ASAP1: variants seen among roughly 807,000 people sequenced by gnomAD.
The protein encoded by ASAP1 is arf-GAP with SH3 domain, ANK repeat and PH domain-containing protein 1.
Under a neutral mutation model 145.2 loss-of-function variants are expected in ASAP1, and 43 were observed. The ratio of observed to expected loss-of-function variants is 0.30; its 90% confidence interval spans 0.23 to 0.38. ASAP1 has a LOEUF of 0.38. Ranked by LOEUF, ASAP1 falls within the 10% of genes least tolerant of loss-of-function variation. The pLI is 1.00. For synonymous variants in ASAP1, 546 were observed against 515.5 expected, an observed-to-expected ratio of 1.06 and a Z score of -0.80; for missense variants, 1,018 against 1,355.3, an observed-to-expected ratio of 0.75 and a Z score of 3.91.
chr8:130,147,868 C>CT (rs1033738191), intron 13 of ASAP1, among the ~76,000 whole-genome samples: 2 of 152,142 alleles, frequency 1.3e-5, no homozygotes, highest in Non-Finnish European at 2.9e-5. Flanking sequence ...CCTTAATGAA[C>CT]TTCTGTGTGC....
intron 9 of ASAP1, among the ~76,000 whole-genome samples, chr8:130,173,382 C>G (rs994206197): frequency 6.6e-6 from 1 of 152,176 alleles, no homozygotes; most frequent in Non-Finnish European, 1.5e-5. Context: ...AGAGAGCCAC[C>G]ACGACCTGCC....
At chr8:130,097,453 A>G (rs2135464635) in intron 24 of ASAP1, among the ~76,000 whole-genome samples, 1 of 152,102 alleles carries the variant, frequency 6.6e-6, no homozygotes, top group African/African-American at 2.4e-5. Flanking sequence ...CACATCTCCA[A>G]CAGCCTCTTG....
chr8:130,300,153 C>CACACACACACACAGAGAG (rs1196584279), intron 3 of ASAP1, among the ~76,000 whole-genome samples: 2 of 76,892 alleles, frequency 2.6e-5, no homozygotes, highest in African/African-American at 5.4e-5. Flanking sequence ...CACACACACA[C>CACACACACACACAGAGAG]AGAGAGAGAG....
At chr8:130,431,626 A>G (rs747881592) in intron 1 of ASAP1, among the ~76,000 whole-genome samples, 6 of 152,076 alleles carry the variant, frequency 3.9e-5, no homozygotes, top group African/African-American at 7.2e-5. Flanking sequence ...TGCAAGGTGG[A>G]GTCAGGCACC....
chr8:130,072,553 G>C (rs1457071094), intron 27 of ASAP1, among the ~76,000 whole-genome samples: 1 of 55,950 alleles, frequency 1.8e-5, no homozygotes, highest in Non-Finnish European at 4.6e-5. Flanking sequence ...CCCAGTCTCA[G>C]GTATGTCTTT....
chr8:130,322,035 C>A (rs1824038580), intron 3 of ASAP1, among the ~76,000 whole-genome samples: 1 of 152,164 alleles, frequency 6.6e-6, no homozygotes, highest in Non-Finnish European at 1.5e-5. Flanking sequence ...GCTGGGAATG[C>A]AAATCATAAA....
intron 2 of ASAP1, among the ~76,000 whole-genome samples, chr8:130,362,937 T>C (rs1048739847): frequency 6.6e-6 from 1 of 152,220 alleles, no homozygotes; most frequent in Non-Finnish European, 1.5e-5. Flanking sequence ...TAGGGGATGA[T>C]AGCATGGGGC....
intron 3 of ASAP1, among the ~76,000 whole-genome samples, chr8:130,303,473 T>G (rs1822800955): frequency 6.6e-6 from 1 of 152,064 alleles, no homozygotes; most frequent in Non-Finnish European, 1.5e-5. Context: ...ACCACTTAGT[T>G]GGTGACCAAA....
chr8:130,163,473 C>T (rs1039483292), intron 11 of ASAP1, among the ~76,000 whole-genome samples: 7 of 152,138 alleles, frequency 4.6e-5, no homozygotes, highest in African/African-American at 1.7e-4. Context: ...CAGGGTTTGA[C>T]CTCATTAAAC....
intron 1 of ASAP1, among the ~76,000 whole-genome samples, chr8:130,408,500 C>G (rs79931018): frequency 0.017 from 2,598 of 152,224 alleles, 39 homozygotes; most frequent in East Asian, 0.05. Context: ...CATCAGTTCC[C>G]CTGGTTTTTA....
chr8:130,161,948 G>A (rs949334164), intron 11 of ASAP1, among the ~76,000 whole-genome samples: 1 of 152,212 alleles, frequency 6.6e-6, no homozygotes, highest in East Asian at 1.9e-4. Context: ...CTACAGGTGT[G>A]TGCTACCATG....
chr8:130,215,262 T>C (rs1215038538), intron 4 of ASAP1, among the ~76,000 whole-genome samples: 1 of 152,116 alleles, frequency 6.6e-6, no homozygotes, highest in Admixed American at 6.5e-5. Context: ...TAATTCCTCA[T>C]AGGCTGAGGG....
intron 24 of ASAP1, among the ~76,000 whole-genome samples, chr8:130,100,929 T>C (rs2097527729): frequency 6.6e-6 from 1 of 152,210 alleles, no homozygotes; most frequent in African/African-American, 2.4e-5. Context: ...CCTGAAGTGT[T>C]TCCCTTATGC....
chr8:130,142,869 C>T (rs575832071), intron 13 of ASAP1, among the ~76,000 whole-genome samples: 5 of 145,052 alleles, frequency 3.4e-5, no homozygotes, highest in Non-Finnish European at 6.0e-5. Context: ...CTCTATTTCA[C>T]GGTGGGGTGG....
At chr8:130,401,859 G>C in intron 2 of ASAP1, 26 bp downstream of exon 2, 1 of 1,607,758 alleles carries the variant, frequency 6.2e-7, no homozygotes, top group Non-Finnish European at 8.5e-7. Flanking sequence ...GAGTTTTCTG[G>C]ACAGGATGGG....
chr8:130,090,026 G>GT (rs988727846), intron 25 of ASAP1, among the ~76,000 whole-genome samples: 2 of 152,042 alleles, frequency 1.3e-5, no homozygotes, highest in Non-Finnish European at 2.9e-5. Context: ...TCTGGAAAAG[G>GT]TTATAAGGCT....
At chr8:130,409,045 T>C (rs1020493275) in intron 1 of ASAP1, among the ~76,000 whole-genome samples, 1 of 152,146 alleles carries the variant, frequency 6.6e-6, no homozygotes, top group African/African-American at 2.4e-5. Context: ...GTGGATTACC[T>C]GAGGTCAGGA....
At chr8:130,277,577 T>C (rs551129229) in intron 3 of ASAP1, among the ~76,000 whole-genome samples, 8 of 152,242 alleles carry the variant, frequency 5.3e-5, no homozygotes, top group Admixed American at 1.3e-4. Context: ...AGAGTTCTCA[T>C]GACAGAAACA....
chr8:130,374,605 T>A (rs4733793), intron 2 of ASAP1, among the ~76,000 whole-genome samples: 1,545 of 152,372 alleles, frequency 0.01, 16 homozygotes, highest in Non-Finnish European at 0.015. Flanking sequence ...TACATACTTG[T>A]CGACTTTAAT....
Sources: gnomAD v4.1 joint callset for allele counts (sites outside exome capture counted in the v4.1 genomes callset) on GRCh38, gnomAD v4.1.1 for gene constraint, MANE v1.5 for transcripts, NCBI Gene and HGNC (gene_info 2026-07-23, HGNC 2026-07-21) for gene names.